KIRREL3: variants seen among roughly 807,000 people sequenced by gnomAD.
The protein encoded by KIRREL3 is kirre like nephrin family adhesion molecule 3.
Under a neutral mutation model 89.7 loss-of-function variants are expected in KIRREL3, and 36 were observed. The observed-to-expected ratio is 0.40, with a 90% CI of 0.31 to 0.53. The LOEUF is 0.53. KIRREL3 is among the 20% of genes least tolerant of loss of function. KIRREL3 has a pLI of 0.49. For missense variants in KIRREL3, 864 were observed against 1,056.6 expected (o/e 0.82, Z 2.53); for synonymous variants, 445 against 441.4 (o/e 1.01, Z -0.10).
chr11:126,434,030 G>C (rs1955230219), intron 13 of KIRREL3, among the ~76,000 whole-genome samples: 1 of 152,244 alleles, frequency 6.6e-6, no homozygotes, highest in South Asian at 2.1e-4. Flanking sequence ...GGTGGGCAGG[G>C]GGAGAGCAGG....
chr11:126,953,961 T>C lies in KIRREL3; in HGVS notation c.55+46494A>G, dbSNP rs562876511. 6.6e-6 allele frequency among the ~76,000 whole-genome samples: 1 copy of C among 152,188 alleles called. No individual in the cohort carries two copies. Among genetic ancestry groups the C allele is most frequent in the South Asian group, 2.1e-4 (1 of 4,818 alleles). ...TGAGGCTAGATTTCACAGGGCAATC[T>C]GCTGAGTGACACAACGACAAGATGC... On this transcript the variant is annotated intron_variant, in intron 1 of 16. Transcript: ENST00000525144. The surrounding 1 kb of genome is among the most constrained non-coding windows in gnomAD (Gnocchi z 5.2).
rs1951385239 is a variant in KIRREL3, at chr11:126,811,473, C to T, written c.55+188982G>A. Among the ~76,000 whole-genome samples the T allele has an allele frequency of 6.6e-6, 1 of 152,232 alleles. No homozygotes were observed. The highest frequency in any genetic ancestry group is 2.4e-5 in the African/African-American group (1 of 41,468). ...CATAGAGTATTCTCATAGCTGTTGACAAACTGGACAGATACATGAGTAATG... is the reference window on the plus strand; with the variant it reads ...CATAGAGTATTCTCATAGCTGTTGATAAACTGGACAGATACATGAGTAATG... On this transcript the variant is annotated intron_variant, in intron 1 of 16. Transcript: ENST00000525144. This position sits in a 1 kb window ranked among gnomAD's most constrained non-coding sequence, Gnocchi z 4.3.
rs1424932324 is a variant in KIRREL3 at position 126,892,736 on chromosome 11, C to T, written c.55+107719G>A. The stretch of plus-strand genomic sequence containing the variant: ...TACAGCATGACCTGACTTCTATGCC[C>T]CCAGCACTATGGCCATGACAGCCTC... On this transcript the variant is annotated intron_variant, in intron 1 of 16. Transcript: ENST00000525144. This position sits in a 1 kb window ranked among gnomAD's most constrained non-coding sequence, Gnocchi z 5.4. Among the ~76,000 whole-genome samples the T allele has an allele frequency of 5.9e-5, 9 of 152,148 alleles. No homozygotes were observed. The highest frequency in any genetic ancestry group is 3.9e-4 in the Admixed American group (6 of 15,274).
At chr11:126,767,965 C>T (rs1565715055) in intron 1 of KIRREL3, among the ~76,000 whole-genome samples, 1 of 152,260 alleles carries the variant, frequency 6.6e-6, no homozygotes, top group Admixed American at 6.5e-5. Flanking sequence ...ATGTCCCCAT[C>T]AGCTACCATA....
chr11:126,503,876 C>T (rs1184858922), intron 4 of KIRREL3, among the ~76,000 whole-genome samples: 1 of 151,668 alleles, frequency 6.6e-6, no homozygotes, highest in Non-Finnish European at 1.5e-5. Flanking sequence ...TCTCCCTCTC[C>T]CTCTTTCTCC....
intron 1 of KIRREL3, among the ~76,000 whole-genome samples, chr11:126,816,118 A>G (rs1334689036): frequency 6.6e-6 from 1 of 152,256 alleles, no homozygotes; most frequent in Non-Finnish European, 1.5e-5. Context: ...TTATAGAAAA[A>G]CAGCATATAC....
chr11:126,939,966 A>G (rs1323337400), intron 1 of KIRREL3, among the ~76,000 whole-genome samples: 1 of 152,064 alleles, frequency 6.6e-6, no homozygotes, highest in Non-Finnish European at 1.5e-5. Flanking sequence ...ATCTGATTAG[A>G]CTTTACCTCC....
intron 1 of KIRREL3, among the ~76,000 whole-genome samples, chr11:126,869,379 C>T (rs1945031423): frequency 6.6e-6 from 1 of 152,108 alleles, no homozygotes; most frequent in Non-Finnish European, 1.5e-5. Flanking sequence ...TACCTTCACT[C>T]CCTGTCTTCC....
chr11:126,446,849 G>C lies in KIRREL3; in HGVS notation c.1035C>G (p.Leu345=), dbSNP rs765234908. The C allele has an allele frequency of 1.9e-6, 3 of 1,603,580 alleles. No homozygotes were observed. Among genetic ancestry groups the C allele is most frequent in the Non-Finnish European group, 2.6e-6 (3 of 1,175,196 alleles). ...AGATGGCATCAGAGCCCAGATCCACGAGCAAGGATTGGGGTTCTGTGGTCA... is the reference window on the plus strand; with the variant it reads ...AGATGGCATCAGAGCCCAGATCCACCAGCAAGGATTGGGGTTCTGTGGTCA... The part of the protein sequence containing the change: ...PRMTTEPQSL[L]VDLGSDAIFS... The change falls in exon 9 of 17, where the codon CTC becomes CTG. Residue 345 remains leucine, a synonymous_variant. Transcript: ENST00000525144.
rs540781595 is a variant in KIRREL3, at chr11:126,948,324, A to G, written c.55+52131T>C. ...AAACCTCTTTGGCCTGAACCTGTCC[A>G]ACTTTATAGAGGGATCTCAGTACAA... On this transcript the variant is annotated intron_variant, in intron 1 of 16. Coordinates refer to ENST00000525144, the MANE Select transcript of KIRREL3 (RefSeq NM_032531.4). This position sits in a 1 kb window ranked among gnomAD's most constrained non-coding sequence, Gnocchi z 4.5. Among the ~76,000 whole-genome samples the G allele has an allele frequency of 2.6e-5, 4 of 152,142 alleles. No individual in the cohort carries two copies. The highest frequency in any genetic ancestry group is 4.8e-5 in the African/African-American group (2 of 41,436).
Position 126,555,628 on chromosome 11 carries a change from G to A in KIRREL3, c.133+7207C>T, listed in dbSNP as rs1004288786. On this transcript the variant is annotated intron_variant, in intron 2 of 16. Transcript: ENST00000525144. The surrounding 1 kb of genome is among the most constrained non-coding windows in gnomAD (Gnocchi z 4.2). ...CTATGACAGGGGCCCTGCTTGAGGA[G>A]CAGCAGGAAGGCCCATGTGACTGGA... Among the ~76,000 whole-genome samples the A allele has an allele frequency of 7.2e-5, 11 of 152,308 alleles. No homozygotes were observed. The highest frequency in any genetic ancestry group is 2.4e-4 in the African/African-American group (10 of 41,564).
intron 1 of KIRREL3, among the ~76,000 whole-genome samples, chr11:126,988,975 A>G (rs1949948948): frequency 6.6e-6 from 1 of 152,116 alleles, no homozygotes; most frequent in African/African-American, 2.4e-5. Flanking sequence ...CCAAAACACT[A>G]ACGCAGCTCT....
At chr11:126,801,153 G>C (rs576295695) in intron 1 of KIRREL3, among the ~76,000 whole-genome samples, 1 of 152,020 alleles carries the variant, frequency 6.6e-6, no homozygotes, top group African/African-American at 2.4e-5. Context: ...TGCATAATTG[G>C]GAATTAATGA....
intron 1 of KIRREL3, among the ~76,000 whole-genome samples, chr11:126,626,690 T>A (rs1943800812): frequency 6.6e-6 from 1 of 152,180 alleles, no homozygotes; most frequent in African/African-American, 2.4e-5. Flanking sequence ...ATAAGTCTTG[T>A]TAAAGAATAA....
At chr11:126,789,706 A>C (rs144799940) in intron 1 of KIRREL3, among the ~76,000 whole-genome samples, 188 of 152,256 alleles carry the variant, frequency 1.2e-3, no homozygotes, top group African/African-American at 4.3e-3. Flanking sequence ...AAACTTCTCC[A>C]GATTCATTTC....
chr11:126,635,394 T>G lies in KIRREL3; in HGVS notation c.56-72482A>C, dbSNP rs1481891144. ...TTAGACCTCAGGGTTATGTTATGGA[T>G]TGGAGGGAGCAGAGAAGCTTCCTCA... On this transcript the variant is annotated intron_variant, in intron 1 of 16. Transcript: ENST00000525144. The surrounding 1 kb of genome is among the most constrained non-coding windows in gnomAD (Gnocchi z 4.0). Among the ~76,000 whole-genome samples the G allele has an allele frequency of 6.6e-6, 1 of 152,196 alleles. No homozygotes were observed. Among genetic ancestry groups the G allele is most frequent in the African/African-American group, 2.4e-5 (1 of 41,452 alleles).
chr11:126,559,481 C>A (rs1939949135), intron 2 of KIRREL3, among the ~76,000 whole-genome samples: 1 of 152,194 alleles, frequency 6.6e-6, no homozygotes, highest in South Asian at 2.1e-4. Context: ...GGAAGCAGAC[C>A]AATAAATAAT....
Position 126,568,269 on chromosome 11 carries a change from C to T in KIRREL3, c.56-5357G>A, listed in dbSNP as rs141801563. Among the ~76,000 whole-genome samples the T allele has an allele frequency of 9.4e-4, 142 of 150,340 alleles. 1 individual carries two copies. Among genetic ancestry groups the T allele is most frequent in the African/African-American group, 3.3e-3 (136 of 41,488 alleles). ...GTGAGACTTGCATTTCATAAAGGAT[C>T]CCTTCAGCACTGGTGCAGATGATGG... is the stretch of plus-strand genomic sequence containing the variant. On this transcript the variant is annotated intron_variant, in intron 1 of 16. Transcript: ENST00000525144. This position sits in a 1 kb window ranked among gnomAD's most constrained non-coding sequence, Gnocchi z 4.6.
intron 2 of KIRREL3, among the ~76,000 whole-genome samples, chr11:126,538,602 C>T (rs1177851028): frequency 6.7e-6 from 1 of 149,420 alleles, no homozygotes; most frequent in Admixed American, 6.6e-5. Context: ...CAGTTGGTGA[C>T]CTGCTCGGGG....
Sources: gnomAD v4.1 joint callset for allele counts (sites outside exome capture counted in the v4.1 genomes callset) on GRCh38, gnomAD v4.1.1 for gene constraint, Gnocchi (gnomAD v3.1) non-coding constraint, MANE v1.5 for transcripts, NCBI Gene and HGNC (gene_info 2026-07-23, HGNC 2026-07-21) for gene names.